The following TRNT1 variants were observed in gnomAD, a reference collection of about 807,000 sequenced individuals.
The protein encoded by TRNT1 is tRNA nucleotidyl transferase 1.
A neutral mutation model predicts 45.6 loss-of-function variants in TRNT1; 44 were observed. The ratio of observed to expected loss-of-function variants is 0.97; its 90% CI spans 0.76 to 1.24. The LOEUF (loss-of-function observed/expected upper bound fraction) is 1.24. TRNT1 is among the 50% of genes most tolerant of loss of function. TRNT1 has a pLI of 0.00. For synonymous variants in TRNT1, 201 were observed against 171.4 expected (o/e 1.17, Z -1.35); for missense variants, 633 against 504.4 (o/e 1.25, Z -2.44).
chr3:3,127,334 CT>C (rs897133633), intron 1 of TRNT1: 2 of 152,270 alleles, frequency 1.3e-5, no homozygotes, highest in Admixed American at 6.5e-5. Flanking sequence ...GAGCGTTTTC[CT>C]AAGTCGAGGC....
chr3:3,133,825 C>A (rs1421285099), intron 2 of TRNT1, among the ~76,000 whole-genome samples: 1 of 152,060 alleles, frequency 6.6e-6, no homozygotes, highest in Non-Finnish European at 1.5e-5. Context: ...TAGTAATGCT[C>A]ACACCATGTC....
intron 4 of TRNT1, among the ~76,000 whole-genome samples, chr3:3,142,128 T>G (rs1233396496): frequency 6.6e-6 from 1 of 152,218 alleles, no homozygotes; most frequent in Non-Finnish European, 1.5e-5. Flanking sequence ...TTATTTATTC[T>G]CATATTTACT....
At chr3:3,153,236 C>G (rs1172775180), downstream of TRNT1, 2 of 550,416 alleles carry the variant, frequency 3.6e-6, no homozygotes, top group Non-Finnish European at 6.6e-6. Flanking sequence ...TAATCCCTGA[C>G]ATGCATTGTT....
At chr3:3,136,856 G>T (rs1251775311) in intron 2 of TRNT1, 2 of 304,264 alleles carry the variant, frequency 6.6e-6, no homozygotes, top group Non-Finnish European at 1.3e-5. Context: ...CTTGCTCTTT[G>T]CCCAGGCTGG....
At chr3:3,142,401 A>C (rs1221203013) in intron 4 of TRNT1, among the ~76,000 whole-genome samples, 1 of 152,226 alleles carries the variant, frequency 6.6e-6, no homozygotes. Context: ...TAACTTGCCC[A>C]AAGTTGCACA....
At chr3:3,142,420 A>G (rs1279562321) in intron 4 of TRNT1, among the ~76,000 whole-genome samples, 3 of 152,212 alleles carry the variant, frequency 2.0e-5, no homozygotes, top group East Asian at 3.8e-4. Context: ...CAGCTTGTAA[A>G]GTGTAGGATC....
At chr3:3,152,930 G>C, downstream of TRNT1, 1 of 330,390 alleles carries the variant, frequency 3.0e-6, no homozygotes, top group South Asian at 3.3e-5. Flanking sequence ...GTCCTGTGTG[G>C]TCATTTTGGG....
At chr3:3,146,030 G>A (rs1035373143) in intron 5 of TRNT1, among the ~76,000 whole-genome samples, 5 of 150,316 alleles carry the variant, frequency 3.3e-5, no homozygotes, top group African/African-American at 9.8e-5. Context: ...AGACTACTCT[G>A]TTAAGGCACT....
intron 2 of TRNT1, among the ~76,000 whole-genome samples, chr3:3,134,395 T>A (rs985686600): frequency 1.3e-4 from 20 of 152,312 alleles, no homozygotes; most frequent in African/African-American, 4.6e-4. Context: ...AAATCCTGAA[T>A]GGCAAGGTTT....
Position 3,147,535 on chromosome 3 carries a change from G to A in TRNT1, c.888G>A (p.Leu296=). The A allele has an allele frequency of 1.2e-6, 2 of 1,613,872 alleles. No homozygotes were observed. The highest frequency in any genetic ancestry group is 1.7e-6 in the Non-Finnish European group (2 of 1,179,846). Residue 296 remains leucine, a synonymous_variant, in exon 7 of 8, where the codon TTG becomes TTA. Transcript: ENST00000251607. ...DGFSPKPVTL[L]ASLFKVQDDV... Reference sequence around the variant, plus strand: ...TTTCACCAAAGCCAGTGACTCTTTTGGCCTCATTATTCAAAGTACAAGATG... The same window carrying A: ...TTTCACCAAAGCCAGTGACTCTTTTAGCCTCATTATTCAAAGTACAAGATG...
intron 6 of TRNT1, 57 bp from the exon 7 acceptor site, chr3:3,147,393 T>A (rs1706114453): frequency 1.9e-6 from 3 of 1,591,512 alleles, no homozygotes; most frequent in Non-Finnish European, 2.6e-6. Flanking sequence ...AGGTTTAGGA[T>A]ATGAGTGGTT....
At position 3,148,929 on chromosome 3, in the gene TRNT1, T is replaced by G. The variant is rs956571369; in HGVS notation, c.*775T>G. On this transcript the variant is annotated 3_prime_UTR_variant, in exon 8 of 8. Transcript: ENST00000251607. ...TAATATGCCTGTCTTTAAAGTGTTATTTTATTAATTAAAAGGATATGGCTA... is the reference window on the plus strand; with the variant it reads ...TAATATGCCTGTCTTTAAAGTGTTAGTTTATTAATTAAAAGGATATGGCTA... 1 of 149,930 alleles carries G rather than the reference T, an allele frequency of 6.7e-6. No homozygotes were observed. Among genetic ancestry groups the G allele is most frequent in the East Asian group, 1.9e-4 (1 of 5,182 alleles). 9.3% of individuals were successfully genotyped at this position (149,930 alleles called of 1,614,324 possible).
downstream of TRNT1, chr3:3,150,838 A>G (rs772247724): frequency 6.4e-7 from 1 of 1,560,180 alleles, no homozygotes. Context: ...CCAATTTGTT[A>G]GATAACTTTA....
At chr3:3,139,129 C>G (rs1348905835) in intron 3 of TRNT1, among the ~76,000 whole-genome samples, 4 of 152,206 alleles carry the variant, frequency 2.6e-5, no homozygotes, top group African/African-American at 9.6e-5. Context: ...CCATGAGCAT[C>G]TGTGCCTGGT....
At chr3:3,150,903 C>T (rs760263164), downstream of TRNT1, 2 of 1,613,922 alleles carry the variant, frequency 1.2e-6, no homozygotes, top group Non-Finnish European at 8.5e-7. Flanking sequence ...CTTATTTCAT[C>T]TTCAGTGTCT....
intron 3 of TRNT1, among the ~76,000 whole-genome samples, chr3:3,138,588 C>T (rs1470403510): frequency 1.3e-5 from 2 of 151,988 alleles, no homozygotes; most frequent in Non-Finnish European, 2.9e-5. Flanking sequence ...TATTTGGATC[C>T]TGGATTGCTG....
intron 4 of TRNT1, among the ~76,000 whole-genome samples, chr3:3,141,845 C>G (rs991650336): frequency 7.9e-5 from 12 of 152,168 alleles, no homozygotes; most frequent in Admixed American, 2.6e-4. Flanking sequence ...ACAGTAATGA[C>G]AGATACAATT....
At position 3,147,556 on chromosome 3, in the gene TRNT1, A is replaced by C; in HGVS notation, c.909A>C (p.Gln303His). The C allele has an allele frequency of 2.5e-6, 4 of 1,614,018 alleles. No homozygotes were observed. Among genetic ancestry groups the C allele is most frequent in the Non-Finnish European group, 3.4e-6 (4 of 1,179,900 alleles). ...VTLLASLFKV[Q>H]DDVTKLDLRL... Reference sequence around the variant, plus strand: ...TTTTGGCCTCATTATTCAAAGTACAAGATGATGTCACAAAATTGGATTTGA... The same window carrying C: ...TTTTGGCCTCATTATTCAAAGTACACGATGATGTCACAAAATTGGATTTGA... The change falls in exon 7 of 8, where the codon CAA becomes CAC. Residue 303 changes from glutamine (Q) to histidine (H), a missense_variant. Coordinates refer to ENST00000251607, the MANE Select transcript of TRNT1 (RefSeq NM_182916.3).
downstream of TRNT1, chr3:3,150,392 C>CTTCT (rs760616455): frequency 6.5e-6 from 1 of 153,558 alleles, no homozygotes; most frequent in Non-Finnish European, 1.5e-5. Context: ...CATTGCCTTG[C>CTTCT]TTCTTTCCAA....
Sources: gnomAD v4.1 joint callset for allele counts (sites outside exome capture counted in the v4.1 genomes callset) on GRCh38, gnomAD v4.1.1 for gene constraint, MANE v1.5 for transcripts, NCBI Gene and HGNC (gene_info 2026-07-23, HGNC 2026-07-21) for gene names.